The following NAV3 variants were observed in gnomAD, a reference collection of about 807,000 sequenced individuals.
The protein encoded by NAV3 is neuron navigator 3, also known as pore membrane and/or filament interacting like protein 1.
NAV3 carries 87 observed loss-of-function variants against 244.7 expected under a neutral mutation model. The observed-to-expected ratio is 0.36, with a 90% CI of 0.30 to 0.42. NAV3 has a LOEUF of 0.42. Ranked by LOEUF, NAV3 falls within the 20% of genes least tolerant of loss-of-function variation. The pLI, the probability that NAV3 is intolerant of heterozygous loss-of-function variation, is 1.00. For synonymous variants in NAV3, 1,126 were observed against 1,042.2 expected (o/e 1.08, Z -1.55); for missense variants, 2,663 against 2,893.3 (o/e 0.92, Z 1.83).
Position 78,189,917 on chromosome 12 carries a change from CA to C in NAV3, c.6056-66del, listed in dbSNP as rs1175817188. ...GACTAACAATGCTGTTGCTGTTTAG[CA>C]TGATATTTTAAATTCTAGCTTATGT... is the stretch of plus-strand genomic sequence containing the variant. On this transcript the variant is annotated intron_variant, in intron 33 of 39. Transcript: ENST00000397909. The C allele has an allele frequency of 3.4e-6, 4 of 1,189,628 alleles. No homozygotes were observed. In the Admixed American group the frequency reaches 7.3e-5, roughly 22 times the overall value. 73.7% of individuals were successfully genotyped at this position (1,189,628 alleles called of 1,614,324 possible).
In NAV3 at chr12:77,867,459, A is replaced by G. The variant is rs550901443; in HGVS notation, c.243+35755A>G. Reference sequence around the variant, plus strand: ...TTTTGAGACGGAGTCTCGCTCTGTCACACAGGCTGGAGTGCAGTGGCGCGA... The same window carrying G: ...TTTTGAGACGGAGTCTCGCTCTGTCGCACAGGCTGGAGTGCAGTGGCGCGA... On this transcript the variant is annotated intron_variant, in intron 1 of 39. Coordinates refer to ENST00000397909, the MANE Select transcript of NAV3 (RefSeq NM_001024383.2). Among the ~76,000 whole-genome samples, 1,057 of 152,190 alleles carry G rather than the reference A, an allele frequency of 6.9e-3. 4 individuals carry two copies. Among genetic ancestry groups the G allele is most frequent in the Non-Finnish European group, 0.012 (833 of 68,008 alleles).
chr12:78,037,444 T>G (rs1045332056), intron 9 of NAV3: 1 of 626,474 alleles, frequency 1.6e-6, no homozygotes. Flanking sequence ...TCATAGTCTC[T>G]TATGAAATTA....
At chr12:77,963,830 CCCTTCCTTCCTT>C (rs1204362704) in intron 3 of NAV3, among the ~76,000 whole-genome samples, 1 of 148,976 alleles carries the variant, frequency 6.7e-6, no homozygotes, top group Non-Finnish European at 1.5e-5. Context: ...GTTCTCCTTC[CCCTTCCTTCCTT>C]CCTTCCTTCC....
At chr12:78,055,781 C>A (rs979267440) in intron 11 of NAV3, among the ~76,000 whole-genome samples, 3 of 152,126 alleles carry the variant, frequency 2.0e-5, no homozygotes, top group African/African-American at 7.2e-5. Flanking sequence ...GCTGCATGAC[C>A]ACATCTGACT....
chr12:77,763,755 GT>G (rs1292948480), intron 2 of NAV3, among the ~76,000 whole-genome samples: 4 of 152,216 alleles, frequency 2.6e-5, no homozygotes, highest in Non-Finnish European at 5.9e-5. Context: ...AGATAAGTGT[GT>G]CATTAAGCTC....
At chr12:78,077,863 G>C (rs772339594) in intron 12 of NAV3, among the ~76,000 whole-genome samples, 11 of 152,142 alleles carry the variant, frequency 7.2e-5, no homozygotes, top group Non-Finnish European at 1.6e-4. Flanking sequence ...GCTTGAACCT[G>C]GGAGGCGGAG....
rs989915587 is a variant in NAV3, at chr12:77,573,901, T to C, written c.72+1635T>C. ...CACCAAAGGAATTAAAGTTGAAGAA[T>C]GGAACGAATTCTTAGAGTCATCCTC... On this transcript the variant is annotated intron_variant, in intron 2 of 8. Coordinates refer to the NAV3 transcript ENST00000550042. Among the ~76,000 whole-genome samples, 5 of 152,312 alleles carry C rather than the reference T, an allele frequency of 3.3e-5. No individual in the cohort carries two copies. The East Asian group carries it at 9.6e-4, about 29-fold the overall frequency.
intron 5 of NAV3, among the ~76,000 whole-genome samples, chr12:77,990,465 A>T (rs1356390006): frequency 1.3e-5 from 2 of 152,214 alleles, no homozygotes; most frequent in South Asian, 2.1e-4. Flanking sequence ...CATTGATACT[A>T]TCTAAGAGGC....
chr12:77,582,964 G>A (rs1257973302), intron 2 of NAV3, among the ~76,000 whole-genome samples: 1 of 152,070 alleles, frequency 6.6e-6, no homozygotes, highest in Non-Finnish European at 1.5e-5. Flanking sequence ...ACACAATGAG[G>A]GTAAGAATAG....
chr12:77,724,436 A>T (rs1876785564), intron 2 of NAV3, among the ~76,000 whole-genome samples: 1 of 151,982 alleles, frequency 6.6e-6, no homozygotes, highest in African/African-American at 2.4e-5. Flanking sequence ...AAAAAAATTA[A>T]AAAACATATT....
At chr12:78,009,237 T>C (rs529739876) in intron 8 of NAV3, among the ~76,000 whole-genome samples, 1 of 151,638 alleles carries the variant, frequency 6.6e-6, no homozygotes, top group African/African-American at 2.4e-5. Context: ...GTGAACCTGA[T>C]GAGTTCTTTG....
At chr12:78,175,206 G>C (rs1439832519) in intron 24 of NAV3, 100 bp from the exon 25 acceptor site, 2 of 1,309,876 alleles carry the variant, frequency 1.5e-6, no homozygotes, top group Non-Finnish European at 2.1e-6. Flanking sequence ...AAGCCTTGTT[G>C]ACCTTTATTA....
intron 2 of NAV3, among the ~76,000 whole-genome samples, chr12:77,768,455 C>A (rs1869898535): frequency 6.6e-6 from 1 of 152,218 alleles, no homozygotes. Flanking sequence ...CCTCGGCCTC[C>A]CTTCTGTGCT....
At chr12:77,811,200 A>G (rs1396267581) in intron 2 of NAV3, among the ~76,000 whole-genome samples, 3 of 152,168 alleles carry the variant, frequency 2.0e-5, no homozygotes, top group Admixed American at 6.5e-5. Flanking sequence ...ATCTACTCCT[A>G]TTGTATGTGA....
chr12:77,858,937 C>T (rs990609231), intron 1 of NAV3, among the ~76,000 whole-genome samples: 3 of 152,026 alleles, frequency 2.0e-5, no homozygotes, highest in Admixed American at 6.6e-5. Context: ...GAGGGAGATG[C>T]AAAGTTCTTT....
rs149400570 is a variant in NAV3, at chr12:77,654,286, C to T, written c.72+82020C>T. ...CTTTTCCGACGGGCTTAAAAAATGG[C>T]GCGCCACGAGATTATATCCTGCACC... On this transcript the variant is annotated intron_variant, in intron 2 of 8. Coordinates refer to the NAV3 transcript ENST00000550042. 7.2e-3 allele frequency among the ~76,000 whole-genome samples: 1,093 copies of T among 152,340 alleles called. 7 individuals are homozygous for T. Among genetic ancestry groups the T allele is most frequent in the African/African-American group, 0.025 (1,032 of 41,580 alleles).
At position 77,766,743 on chromosome 12, in the gene NAV3, T is replaced by G. The variant is rs1189459340; in HGVS notation, c.73-173576T>G. ...AAAAAACAGGCAATTAAGTTTTTTT[T>G]TTTTTTTTTTTTTTTTTTTTTTTTT... On this transcript the variant is annotated intron_variant, in intron 2 of 8. Coordinates refer to the NAV3 transcript ENST00000550042. Among the ~76,000 whole-genome samples, 75 of 23,660 alleles carry G rather than the reference T, an allele frequency of 3.2e-3. 5 individuals are homozygous for G. The highest frequency in any genetic ancestry group is 0.018 in the Middle Eastern group (1 of 56). The allele number at this position is 23,660 out of a possible 152,430, so 15.5% of individuals were successfully genotyped here.
chr12:77,845,604 A>T (rs2136204340), intron 1 of NAV3, among the ~76,000 whole-genome samples: 1 of 150,772 alleles, frequency 6.6e-6, no homozygotes, highest in African/African-American at 2.4e-5. Flanking sequence ...TATCTTTTAG[A>T]GGTTTTCTAT....
At chr12:77,788,669 C>A (rs1871023730) in intron 2 of NAV3, among the ~76,000 whole-genome samples, 2 of 151,600 alleles carry the variant, frequency 1.3e-5, no homozygotes, top group Admixed American at 6.6e-5. Context: ...CTTCCCACCC[C>A]CCTTTTCTTC....
Sources: gnomAD v4.1 joint callset for allele counts (sites outside exome capture counted in the v4.1 genomes callset) on GRCh38, gnomAD v4.1.1 for gene constraint, MANE v1.5 for transcripts, NCBI Gene and HGNC (gene_info 2026-07-23, HGNC 2026-07-21) for gene names.